The following RALYL variants were observed in gnomAD, a reference collection of about 807,000 sequenced individuals.
RALYL encodes the protein RALY RNA binding protein like.
RALYL carries 29 observed loss-of-function variants against 35.1 expected under a neutral mutation model. The observed-to-expected ratio is 0.83, with a 90% CI of 0.61 to 1.13. The LOEUF (loss-of-function observed/expected upper bound fraction) is 1.13, where lower values mean the gene tolerates loss of function less well. Among genes scored for constraint, RALYL ranks in the 50% most tolerant of loss-of-function variants. The pLI, the probability that RALYL is intolerant of heterozygous loss-of-function variation, is 0.00. For synonymous variants in RALYL, 120 were observed against 127.6 expected (o/e 0.94, Z 0.40); for missense variants, 359 against 360.4 (o/e 1.00, Z 0.03).
chr8:84,322,790 G>A (rs922190454), intron 1 of RALYL, among the ~76,000 whole-genome samples: 4 of 151,938 alleles, frequency 2.6e-5, no homozygotes, highest in Admixed American at 6.6e-5. Flanking sequence ...CCCTACTTCC[G>A]GCCAGCTATT....
At chr8:84,410,862 TTC>T (rs2044030369) in intron 1 of RALYL, among the ~76,000 whole-genome samples, 1 of 151,762 alleles carries the variant, frequency 6.6e-6, no homozygotes, top group Non-Finnish European at 1.5e-5. Context: ...AGAGTTTATA[TTC>T]TGCTTGAATT....
intron 1 of RALYL, among the ~76,000 whole-genome samples, chr8:84,397,056 A>G (rs1326635121): frequency 1.3e-5 from 2 of 152,110 alleles, no homozygotes; most frequent in Non-Finnish European, 2.9e-5. Context: ...GGCCCAATGT[A>G]ATTATACAGT....
rs144969809 is a variant in RALYL, at chr8:84,400,133, G to A, written c.-23-129166G>A. Among the ~76,000 whole-genome samples the A allele has an allele frequency of 5.6e-3, 853 of 152,034 alleles. 3 individuals carry two copies. Among genetic ancestry groups the A allele is most frequent in the African/African-American group, 0.018 (761 of 41,464 alleles). On this transcript the variant is annotated intron_variant, in intron 1 of 8. Coordinates refer to ENST00000521268, the MANE Select transcript of RALYL (RefSeq NM_173848.7). ...TCTGTCTCAAAAAGAAAAAAAAAAT[G>A]CTTGGGACCAGAAGTGTGTCATTTT...
intron 2 of RALYL, among the ~76,000 whole-genome samples, chr8:84,766,812 A>C (rs952367611): frequency 1.3e-5 from 2 of 148,662 alleles, no homozygotes; most frequent in Non-Finnish European, 3.0e-5. Flanking sequence ...GTGTTTGGTT[A>C]GACTTACTGG....
intron 1 of RALYL, among the ~76,000 whole-genome samples, chr8:84,524,975 T>C (rs1020855433): frequency 1.5e-5 from 2 of 131,082 alleles, no homozygotes; most frequent in African/African-American, 5.4e-5. Flanking sequence ...CCTATATGTC[T>C]AGAAGGCAAG....
At chr8:84,491,723 T>C (rs144001738) in intron 1 of RALYL, among the ~76,000 whole-genome samples, 252 of 152,146 alleles carry the variant, frequency 1.7e-3, no homozygotes, top group African/African-American at 6.0e-3. Flanking sequence ...TGAATTTGGA[T>C]TTCTTGGATG....
chr8:84,596,420 A>G (rs1426125089), intron 2 of RALYL, among the ~76,000 whole-genome samples: 1 of 152,160 alleles, frequency 6.6e-6, no homozygotes, highest in Non-Finnish European at 1.5e-5. Context: ...TTAAATTCTC[A>G]GGAAATACTG....
At chr8:84,844,096 A>T (rs1302521350) in intron 4 of RALYL, among the ~76,000 whole-genome samples, 1 of 152,204 alleles carries the variant, frequency 6.6e-6, no homozygotes, top group East Asian at 1.9e-4. Context: ...AGCAATGGCA[A>T]CAGAAGCCAA....
At chr8:84,452,426 T>C (rs1049349788) in intron 1 of RALYL, among the ~76,000 whole-genome samples, 5 of 151,994 alleles carry the variant, frequency 3.3e-5, no homozygotes, top group African/African-American at 7.2e-5. Flanking sequence ...TCAAAACTTA[T>C]AGGTGATTAC....
chr8:84,355,734 A>G (rs1851702564), intron 1 of RALYL, among the ~76,000 whole-genome samples: 3 of 150,296 alleles, frequency 2.0e-5, no homozygotes, highest in Admixed American at 2.0e-4. Flanking sequence ...TGAGAAATCT[A>G]GATGGATTTC....
At chr8:84,249,980 T>C (rs1829864230) in intron 1 of RALYL, among the ~76,000 whole-genome samples, 1 of 152,044 alleles carries the variant, frequency 6.6e-6, no homozygotes, top group Admixed American at 6.6e-5. Context: ...TGAAAAATGT[T>C]CCAAAATTTA....
intron 2 of RALYL, among the ~76,000 whole-genome samples, chr8:84,685,374 A>T (rs895964187): frequency 6.6e-6 from 1 of 152,056 alleles, no homozygotes; most frequent in African/African-American, 2.4e-5. Flanking sequence ...ACTAGTCTTC[A>T]TCCTAGTTCC....
intron 2 of RALYL, among the ~76,000 whole-genome samples, chr8:84,646,637 G>A (rs145771790): frequency 6.6e-6 from 1 of 152,000 alleles, no homozygotes; most frequent in Non-Finnish European, 1.5e-5. Context: ...TTTCAGTTCA[G>A]CCCAAATCTG....
intron 3 of RALYL, among the ~76,000 whole-genome samples, chr8:84,793,508 T>G (rs1267592260): frequency 6.6e-6 from 1 of 152,186 alleles, no homozygotes; most frequent in African/African-American, 2.4e-5. Flanking sequence ...TGTTATGGCT[T>G]GATCCTGCAC....
At chr8:84,445,695 G>T in intron 1 of RALYL, among the ~76,000 whole-genome samples, 1 of 151,288 alleles carries the variant, frequency 6.6e-6, no homozygotes, top group East Asian at 1.9e-4. Flanking sequence ...CATTTTGTCA[G>T]GATTAAATTA....
chr8:84,424,664 T>A (rs1451770562), intron 1 of RALYL, among the ~76,000 whole-genome samples: 1 of 151,874 alleles, frequency 6.6e-6, no homozygotes, highest in Non-Finnish European at 1.5e-5. Context: ...TTCTGTTTTT[T>A]CCCCATCTTT....
intron 1 of RALYL, among the ~76,000 whole-genome samples, chr8:84,452,277 A>C (rs946812033): frequency 6.6e-6 from 1 of 150,412 alleles, no homozygotes; most frequent in African/African-American, 2.4e-5. Context: ...GCTCTCACAA[A>C]GTTATGTGCT....
At chr8:84,579,312 A>G (rs1049341512) in intron 2 of RALYL, among the ~76,000 whole-genome samples, 5 of 152,144 alleles carry the variant, frequency 3.3e-5, no homozygotes, top group Admixed American at 6.5e-5. Context: ...AGGACAGGCA[A>G]TGGGAGCAGG....
rs572834899 is a variant in RALYL, at chr8:84,341,336, C to T, written c.-24+156912C>T. On this transcript the variant is annotated intron_variant, in intron 1 of 8. Coordinates refer to ENST00000521268, the MANE Select transcript of RALYL (RefSeq NM_173848.7). ...TCCCCTTGCTCTTAACTGGGTGAAG[C>T]GTGCAGGTTAACATGTGAAATTCTG... Among the ~76,000 whole-genome samples the T allele has an allele frequency of 3.2e-4, 49 of 151,900 alleles. No homozygotes were observed. The South Asian group carries it at 1.0e-2, about 31-fold the overall frequency.
Sources: allele counts gnomAD v4.1 joint callset (sites outside exome capture counted in the v4.1 genomes callset), GRCh38; gene constraint gnomAD v4.1.1; transcripts MANE v1.5; gene names NCBI Gene and HGNC (gene_info 2026-07-23, HGNC 2026-07-21).